The following NCBP1 variants were observed in gnomAD, a reference collection of about 807,000 sequenced individuals.
NCBP1 encodes the protein nuclear cap binding protein subunit 1.
NCBP1 carries 16 observed loss-of-function variants against 111.7 expected under a neutral mutation model. The observed-to-expected ratio is 0.14, with a 90% confidence interval of 0.10 to 0.22. NCBP1 has a LOEUF of 0.22. NCBP1 is among the 10% of genes least tolerant of loss of function. The pLI, the probability that NCBP1 is intolerant of heterozygous loss-of-function variation, is 1.00. For synonymous variants in NCBP1, 304 were observed against 314.3 expected, an observed-to-expected ratio of 0.97 and a Z score of 0.35; for missense variants, 607 against 957.5, an observed-to-expected ratio of 0.63 and a Z score of 4.83.
At chr9:97,645,815 TA>T (rs941979761) in intron 6 of NCBP1, 83 bp downstream of exon 6, 2 of 1,503,806 alleles carry the variant, frequency 1.3e-6, no homozygotes, top group African/African-American at 2.8e-5. Flanking sequence ...TTCTCAAAAA[TA>T]AGCTGTAGAG....
Position 97,643,931 on chromosome 9 carries a change from AACT to A in NCBP1, c.381+573_381+575del, listed in dbSNP as rs1380774752. Reference sequence around the variant, plus strand: ...AGTGGCACCAGACTGGTCTTTCTATAACTAGGCTCTGCACATGTTGGTTACTGG... The same window carrying A: ...AGTGGCACCAGACTGGTCTTTCTATAAGGCTCTGCACATGTTGGTTACTGG... On this transcript the variant is annotated intron_variant, in intron 4 of 22. Coordinates refer to ENST00000375147, the MANE Select transcript of NCBP1 (RefSeq NM_002486.5). Among the ~76,000 whole-genome samples, 3 of 152,180 alleles carry A rather than the reference AACT, an allele frequency of 2.0e-5. No individual in the cohort carries two copies. In the East Asian group the frequency reaches 5.8e-4, roughly 29 times the overall value.
chr9:97,661,421 G>A (rs1827830174), intron 16 of NCBP1, among the ~76,000 whole-genome samples: 1 of 152,158 alleles, frequency 6.6e-6, no homozygotes, highest in Non-Finnish European at 1.5e-5. Flanking sequence ...GAATAATAAT[G>A]TTTAACATTT....
intron 20 of NCBP1, among the ~76,000 whole-genome samples, chr9:97,667,450 C>A (rs995959652): frequency 8.5e-5 from 13 of 152,084 alleles, no homozygotes; most frequent in Admixed American, 6.5e-4. Flanking sequence ...CCTATAGGAA[C>A]CTTTCGCAAG....
chr9:97,641,219 C>G (rs1827194831), intron 2 of NCBP1, among the ~76,000 whole-genome samples: 2 of 151,978 alleles, frequency 1.3e-5, no homozygotes, highest in Admixed American at 1.3e-4. Flanking sequence ...TAAAATGGAG[C>G]CCATGGTGTC....
intron 12 of NCBP1, 72 bp from the exon 13 acceptor site, chr9:97,655,630 T>TTA: frequency 7.9e-7 from 1 of 1,264,420 alleles, no homozygotes; most frequent in Non-Finnish European, 1.1e-6. Flanking sequence ...GTTTGAAGGC[T>TTA]TATATAAGTT....
Position 97,651,863 on chromosome 9 carries a change from A to G in NCBP1, c.1059+490A>G, listed in dbSNP as rs569691954. 6.6e-5 allele frequency among the ~76,000 whole-genome samples: 10 copies of G among 152,320 alleles called. No homozygotes were observed. The East Asian group carries it at 1.4e-3, about 21-fold the overall frequency. On this transcript the variant is annotated intron_variant, in intron 10 of 22. Coordinates refer to ENST00000375147, the MANE Select transcript of NCBP1 (RefSeq NM_002486.5). ...TTTATTCTTAGAAATCTAAAGAGCCAAGCAGTTTAGAAATAGAGTAGCAAC... is the reference window on the plus strand; with the variant it reads ...TTTATTCTTAGAAATCTAAAGAGCCGAGCAGTTTAGAAATAGAGTAGCAAC...
intron 1 of NCBP1, 100 bp from the exon 2 acceptor site, chr9:97,640,694 T>C (rs1827183844): frequency 4.5e-6 from 4 of 891,630 alleles, no homozygotes; most frequent in East Asian, 2.6e-5. Flanking sequence ...TGTAAAAACA[T>C]AGGGCCTGGT....
chr9:97,672,489 A>G lies in NCBP1; in HGVS notation c.*1290A>G, dbSNP rs945097798. On this transcript the variant is annotated 3_prime_UTR_variant, in exon 23 of 23. Coordinates refer to ENST00000375147, the MANE Select transcript of NCBP1 (RefSeq NM_002486.5). ...GACAAAATACAAAATATCCAGAAAA[A>G]TCCAGGTTGCGTGGCTGGTTAGTAA... is the stretch of plus-strand genomic sequence containing the variant. 6.6e-6 allele frequency: 1 copy of G among 152,242 alleles called. No individual in the cohort carries two copies. The highest frequency in any genetic ancestry group is 1.5e-5 in the Non-Finnish European group (1 of 68,038). 9.4% of individuals were successfully genotyped at this position (152,242 alleles called of 1,614,324 possible). A position where few individuals can be genotyped will look rare whatever the true frequency, so the allele number is the denominator to read the frequency against.
chr9:97,641,335 T>G (rs887806589), intron 2 of NCBP1, among the ~76,000 whole-genome samples: 12 of 152,110 alleles, frequency 7.9e-5, no homozygotes, highest in Admixed American at 6.6e-4. Context: ...CTGAATTGAT[T>G]TATACTAAAC....
rs1408997068 is a variant in NCBP1 at position 97,666,292 on chromosome 9, G to A, written c.1902-471G>A. ...CAGTTGATACCTATTATCAACTAATGAGTTTCTTAAACATTCCAAGAGAAT... is the reference window on the plus strand; with the variant it reads ...CAGTTGATACCTATTATCAACTAATAAGTTTCTTAAACATTCCAAGAGAAT... On this transcript the variant is annotated intron_variant, in intron 19 of 22. Transcript: ENST00000375147. Among the ~76,000 whole-genome samples the A allele has an allele frequency of 3.3e-5, 5 of 152,282 alleles. No homozygotes were observed. In the East Asian group the frequency reaches 7.7e-4, roughly 24 times the overall value.
chr9:97,640,702 G>A (rs1207155663), intron 1 of NCBP1, 92 bp from the exon 2 acceptor site: 1 of 971,290 alleles, frequency 1.0e-6, no homozygotes, highest in African/African-American at 1.7e-5. Flanking sequence ...CATAGGGCCT[G>A]GTAGAAAAGA....
At chr9:97,664,195 G>T in intron 18 of NCBP1, 145 bp from the exon 19 acceptor site, 1 of 524,226 alleles carries the variant, frequency 1.9e-6, no homozygotes, top group East Asian at 3.1e-5. Flanking sequence ...AAGACCTAAT[G>T]GTCAGATTGA....
At chr9:97,639,272 T>A (rs996469206) in intron 1 of NCBP1, among the ~76,000 whole-genome samples, 38 of 152,312 alleles carry the variant, frequency 2.5e-4, no homozygotes, top group African/African-American at 9.1e-4. Context: ...TGTCTTACCC[T>A]GTAACCTTTA....
At chr9:97,669,965 C>G (rs1266417640) in intron 22 of NCBP1, 3 of 503,670 alleles carry the variant, frequency 6.0e-6, no homozygotes, top group Admixed American at 5.6e-5. Flanking sequence ...CTCTGTTGCC[C>G]AGGCTGGAGT....
In NCBP1 at chr9:97,647,599, C is replaced by A. The variant is rs1160632836; in HGVS notation, c.681+38C>A. On this transcript the variant is annotated intron_variant, in intron 7 of 22. Transcript: ENST00000375147. ...CAGTCCCTTGTGATACAAACACAGT[C>A]AGCTCTTGAATAGATTCTTATCTCT... 10 of 1,500,168 alleles carry A rather than the reference C, an allele frequency of 6.7e-6. No homozygotes were observed. Among genetic ancestry groups the A allele is most frequent in the South Asian group, 3.4e-5 (3 of 88,338 alleles). 92.9% of individuals were successfully genotyped at this position (1,500,168 alleles called of 1,614,324 possible). A position where few individuals can be genotyped will look rare whatever the true frequency, so the allele number is the denominator to read the frequency against.
Position 97,664,528 on chromosome 9 carries a change from C to A in NCBP1, c.1901+85C>A. On this transcript the variant is annotated intron_variant, in intron 19 of 22. Transcript: ENST00000375147. ...TTATACATAAGCTTCAAATTCTGGT[C>A]CAAACCAGGTTGATATTAATATACT... 4 of 898,864 alleles carry A rather than the reference C, an allele frequency of 4.5e-6. 1 individual carries two copies. The highest frequency in any genetic ancestry group is 2.6e-5 in the East Asian group (1 of 38,830). 55.7% of individuals were successfully genotyped at this position (898,864 alleles called of 1,614,324 possible).
At chr9:97,651,224 A>G in intron 9 of NCBP1, 86 bp from the exon 10 acceptor site, 1 of 1,113,972 alleles carries the variant, frequency 9.0e-7, no homozygotes, top group East Asian at 2.6e-5. Flanking sequence ...CTTTGCTTAT[A>G]TCTAAACACA....
chr9:97,638,141 C>T (rs1827104262), intron 1 of NCBP1, among the ~76,000 whole-genome samples: 1 of 152,136 alleles, frequency 6.6e-6, no homozygotes. Context: ...CCCAGGTTGT[C>T]TTATGAGTTC....
At position 97,672,248 on chromosome 9, in the gene NCBP1, A is replaced by C. The variant is rs1828214286; in HGVS notation, c.*1049A>C. 6.6e-6 allele frequency: 1 copy of C among 151,704 alleles called. No homozygotes were observed. Among genetic ancestry groups the C allele is most frequent in the African/African-American group, 2.4e-5 (1 of 41,430 alleles). The allele number at this position is 151,704 out of a possible 1,614,324, so 9.4% of individuals were successfully genotyped here. A position where few individuals can be genotyped will look rare whatever the true frequency, so the allele number is the denominator to read the frequency against. The stretch of plus-strand genomic sequence containing the variant: ...TTTTTTCATTAAACCTTAGAAAAAA[A>C]TTACCAGTAATCCTACAACTACTGG... On this transcript the variant is annotated 3_prime_UTR_variant, in exon 23 of 23. Transcript: ENST00000375147.
Sources: gnomAD v4.1 joint callset for allele counts (sites outside exome capture counted in the v4.1 genomes callset) on GRCh38, gnomAD v4.1.1 for gene constraint, MANE v1.5 for transcripts, NCBI Gene and HGNC (gene_info 2026-07-23, HGNC 2026-07-21) for gene names.